LRBA: variants seen among roughly 807,000 people sequenced by gnomAD.
LRBA encodes lipopolysaccharide-responsive and beige-like anchor protein.
In LRBA, 176 loss-of-function variants were observed where a neutral mutation model predicts 330.0. The observed-to-expected ratio is 0.53, with a 90% CI of 0.47 to 0.60. The LOEUF is 0.60. Among genes scored for constraint, LRBA ranks in the 20% least tolerant of loss-of-function variants. The pLI, the probability that LRBA is intolerant of heterozygous loss-of-function variation, is 0.00. For missense variants in LRBA, 3,259 were observed against 3,444.8 expected, an observed-to-expected ratio of 0.95 and a Z score of 1.35; for synonymous variants, 1,230 against 1,193.0, an observed-to-expected ratio of 1.03 and a Z score of -0.64.
At chr4:150,457,337 C>T (rs1009927267) in intron 44 of LRBA, among the ~76,000 whole-genome samples, 2 of 152,000 alleles carry the variant, frequency 1.3e-5, no homozygotes, top group South Asian at 2.1e-4. Context: ...TTTAAAAGTA[C>T]GAACAATTTA....
At chr4:150,350,293 C>A in intron 47 of LRBA, 134 bp from the exon 48 acceptor site, 1 of 683,048 alleles carries the variant, frequency 1.5e-6, no homozygotes, top group Non-Finnish European at 2.3e-6. Context: ...AACTTGTGGC[C>A]GGGCGCAGTG....
chr4:150,323,020 TGTGTG>T (rs1561012579), intron 49 of LRBA, among the ~76,000 whole-genome samples: 1,536 of 145,274 alleles, frequency 0.011, 27 homozygotes, highest in African/African-American at 0.038. Flanking sequence ...TGTGTGTGTG[TGTGTG>T]GGGATGCATT....
rs1459997350 is a variant in LRBA, at chr4:150,797,071, T to C, written c.5580+1010A>G. On this transcript the variant is annotated intron_variant, in intron 34 of 56. Transcript: ENST00000651943. Reference sequence around the variant, plus strand: ...ACAAAAATCCATTAGGTGTAATCTCTAGAAGTAATTGTTCTTATCGCACCT... The same window carrying C: ...ACAAAAATCCATTAGGTGTAATCTCCAGAAGTAATTGTTCTTATCGCACCT... 3.3e-5 allele frequency among the ~76,000 whole-genome samples: 5 copies of C among 152,050 alleles called. No individual in the cohort carries two copies. In the East Asian group the frequency reaches 9.6e-4, roughly 29 times the overall value.
chr4:150,398,530 G>GT (rs1745051388), intron 47 of LRBA, among the ~76,000 whole-genome samples: 1 of 152,002 alleles, frequency 6.6e-6, no homozygotes, highest in Admixed American at 6.6e-5. Flanking sequence ...AATAATTAAT[G>GT]TATTTCTTAA....
At chr4:150,888,752 CAAAT>C (rs1161999032) in intron 17 of LRBA, among the ~76,000 whole-genome samples, 7 of 151,848 alleles carry the variant, frequency 4.6e-5, no homozygotes, top group East Asian at 3.9e-4. Flanking sequence ...AAATAGAAAA[CAAAT>C]AAAATGGTAG....
At chr4:150,422,520 A>G (rs1360623524) in intron 46 of LRBA, 1 of 393,852 alleles carries the variant, frequency 2.5e-6, no homozygotes, top group South Asian at 3.2e-5. Flanking sequence ...GATGAACATT[A>G]TAATACTGGC....
At chr4:150,604,187 C>G (rs1774393072) in intron 37 of LRBA, among the ~76,000 whole-genome samples, 1 of 151,766 alleles carries the variant, frequency 6.6e-6, no homozygotes, top group Non-Finnish European at 1.5e-5. Context: ...GGAAGGAAAA[C>G]TGCTTGAGGT....
chr4:150,854,450 G>C (rs1750981491), intron 22 of LRBA, among the ~76,000 whole-genome samples: 1 of 152,088 alleles, frequency 6.6e-6, no homozygotes, highest in African/African-American at 2.4e-5. Context: ...AAAATTTACT[G>C]AACATCGGTA....
intron 39 of LRBA, among the ~76,000 whole-genome samples, chr4:150,589,143 G>A (rs1292002664): frequency 6.6e-6 from 1 of 151,942 alleles, no homozygotes; most frequent in East Asian, 1.9e-4. Context: ...AAATCCTATA[G>A]GGGAAGAAAA....
At chr4:150,694,462 C>CAAAAAAAAAAAGAAAAA (rs1784433500) in intron 36 of LRBA, among the ~76,000 whole-genome samples, 1 of 71,010 alleles carries the variant, frequency 1.4e-5, no homozygotes, top group East Asian at 6.0e-4. Flanking sequence ...TGATCTTTAA[C>CAAAAAAAAAAAGAAAAA]AAAAAAAAAA....
At chr4:150,301,573 T>C (rs1341354791) in intron 53 of LRBA, among the ~76,000 whole-genome samples, 1 of 151,540 alleles carries the variant, frequency 6.6e-6, no homozygotes, top group African/African-American at 2.4e-5. Context: ...TTTAACATTA[T>C]ACTAGCATTT....
At chr4:150,756,303 GGATCACAA>G (rs1734289960) in intron 35 of LRBA, among the ~76,000 whole-genome samples, 2 of 151,934 alleles carry the variant, frequency 1.3e-5, no homozygotes, top group South Asian at 4.2e-4. Context: ...ATATTTGGAG[GGATCACAA>G]GCAAGCTGGC....
At chr4:150,387,094 C>A (rs1170017668) in intron 47 of LRBA, among the ~76,000 whole-genome samples, 1 of 146,610 alleles carries the variant, frequency 6.8e-6, no homozygotes, top group Non-Finnish European at 1.5e-5. Context: ...AAGTCCTTTG[C>A]CCACTTTTTA....
intron 40 of LRBA, among the ~76,000 whole-genome samples, chr4:150,562,240 T>G (rs975793300): frequency 1.3e-5 from 2 of 152,198 alleles, no homozygotes; most frequent in African/African-American, 4.8e-5. Context: ...GCACCTCAGC[T>G]CTTTCCATTG....
At chr4:150,584,857 G>A (rs1027606542) in intron 40 of LRBA, among the ~76,000 whole-genome samples, 4 of 151,920 alleles carry the variant, frequency 2.6e-5, no homozygotes, top group South Asian at 4.2e-4. Flanking sequence ...TATAAGTTCC[G>A]ACCCAAATCC....
chr4:150,641,328 T>G (rs1025234007), intron 37 of LRBA, among the ~76,000 whole-genome samples: 1 of 151,756 alleles, frequency 6.6e-6, no homozygotes, highest in African/African-American at 2.4e-5. Context: ...AATATTTAAC[T>G]AATTTTCCAC....
intron 36 of LRBA, among the ~76,000 whole-genome samples, chr4:150,693,954 T>A (rs906928695): frequency 1.3e-5 from 2 of 152,240 alleles, no homozygotes; most frequent in Non-Finnish European, 2.9e-5. Flanking sequence ...AAATTAATAA[T>A]GTTTAATGCT....
chr4:150,935,085 AGAATCGCTTGAACCCAG>A (rs1275919211), intron 2 of LRBA, among the ~76,000 whole-genome samples: 1 of 151,296 alleles, frequency 6.6e-6, no homozygotes, highest in Non-Finnish European at 1.5e-5. Flanking sequence ...TTGAGGCAGG[AGAATCGCTTGAACCCAG>A]GAGGTGGAAG....
At chr4:150,972,976 TA>T (rs1248092715) in intron 2 of LRBA, among the ~76,000 whole-genome samples, 3 of 151,530 alleles carry the variant, frequency 2.0e-5, no homozygotes, top group Admixed American at 6.6e-5. Flanking sequence ...AATTGTCCTT[TA>T]AAAAAAAACT....
Sources: gnomAD v4.1 joint callset for allele counts (sites outside exome capture counted in the v4.1 genomes callset) on GRCh38, gnomAD v4.1.1 for gene constraint, MANE v1.5 for transcripts, NCBI Gene and HGNC (gene_info 2026-07-23, HGNC 2026-07-21) for gene names.